The following LRRC4C variants were observed in gnomAD, a reference collection of about 807,000 sequenced individuals.
LRRC4C encodes the protein leucine rich repeat containing 4C.
A neutral mutation model predicts 33.6 loss-of-function variants in LRRC4C; 5 were observed. That is an observed-to-expected ratio of 0.15 (90% CI 0.08 to 0.31). LRRC4C has a LOEUF of 0.31. Ranked by LOEUF, LRRC4C falls within the 10% of genes least tolerant of loss-of-function variation. The pLI, the probability that LRRC4C is intolerant of heterozygous loss-of-function variation, is 1.00. For synonymous variants in LRRC4C, 329 were observed against 302.0 expected (o/e 1.09, Z -0.93); for missense variants, 560 against 796.7 (o/e 0.70, Z 3.58).
chr11:40,520,378 G>A (rs900332908), intron 3 of LRRC4C, among the ~76,000 whole-genome samples: 1 of 152,078 alleles, frequency 6.6e-6, no homozygotes, highest in Non-Finnish European at 1.5e-5. Flanking sequence ...TCCAGCTTTG[G>A]ATTTAAAGTG....
At chr11:40,618,345 C>A (rs978044056) in intron 3 of LRRC4C, among the ~76,000 whole-genome samples, 1 of 151,540 alleles carries the variant, frequency 6.6e-6, no homozygotes, top group Non-Finnish European at 1.5e-5. Flanking sequence ...AGATTGCTGG[C>A]AACCACCAGA....
chr11:41,283,699 A>C lies in LRRC4C; in HGVS notation c.-496+175732T>G, dbSNP rs538213575. On this transcript the variant is annotated intron_variant, in intron 1 of 6. Coordinates refer to ENST00000528697, the MANE Select transcript of LRRC4C (RefSeq NM_001258419.2). ...AGTTGTGCCAGAGACCATAAGACCC[A>C]CAAAGTCTCAACTATTTACCATCTA... is the stretch of plus-strand genomic sequence containing the variant. Among the ~76,000 whole-genome samples the C allele has an allele frequency of 3.3e-5, 5 of 152,286 alleles. No homozygotes were observed. In the South Asian group the frequency reaches 1.0e-3, roughly 32 times the overall value.
chr11:40,757,384 C>T (rs778709307), intron 2 of LRRC4C, among the ~76,000 whole-genome samples: 13 of 152,022 alleles, frequency 8.6e-5, no homozygotes, highest in Non-Finnish European at 1.2e-4. Context: ...TCCATCAGTA[C>T]CCATGGATGA....
chr11:41,311,366 GCTT>G (rs1950638739), intron 1 of LRRC4C, among the ~76,000 whole-genome samples: 1 of 151,990 alleles, frequency 6.6e-6, no homozygotes, highest in Non-Finnish European at 1.5e-5. Flanking sequence ...CACCATTTAA[GCTT>G]CTTCATTATT....
chr11:41,200,380 T>C (rs1315863796), intron 1 of LRRC4C, among the ~76,000 whole-genome samples: 1 of 152,212 alleles, frequency 6.6e-6, no homozygotes, highest in Non-Finnish European at 1.5e-5. Flanking sequence ...GTTCAAATCC[T>C]AGCAACTTCT....
chr11:40,314,013 T>C (rs889880563), intron 4 of LRRC4C, among the ~76,000 whole-genome samples: 6 of 151,870 alleles, frequency 4.0e-5, no homozygotes, highest in Admixed American at 3.3e-4. Flanking sequence ...TGGGATCACA[T>C]AAAACTAAAA....
intron 1 of LRRC4C, among the ~76,000 whole-genome samples, chr11:41,448,214 A>G (rs1024682596): frequency 1.4e-5 from 2 of 142,428 alleles, no homozygotes; most frequent in Middle Eastern, 3.9e-3. Flanking sequence ...TTAATCAGCT[A>G]TTTGTTACAG....
intron 1 of LRRC4C, among the ~76,000 whole-genome samples, chr11:41,057,778 T>G (rs1429699440): frequency 6.6e-6 from 1 of 152,028 alleles, no homozygotes; most frequent in Admixed American, 6.6e-5. Context: ...CTCTGCTGAG[T>G]GCTGCACAGA....
chr11:40,452,589 T>C (rs927027587), intron 3 of LRRC4C, among the ~76,000 whole-genome samples: 3 of 152,200 alleles, frequency 2.0e-5, no homozygotes, highest in Admixed American at 1.3e-4. Flanking sequence ...GGTGGGACTG[T>C]AAACTAGTTC....
chr11:40,131,382 T>G (rs1410440986), intron 6 of LRRC4C, among the ~76,000 whole-genome samples: 2 of 152,274 alleles, frequency 1.3e-5, no homozygotes, highest in East Asian at 3.9e-4. Flanking sequence ...AAAATCAGCA[T>G]GTAAATAGGG....
chr11:40,986,624 T>G (rs1003977565), intron 1 of LRRC4C, among the ~76,000 whole-genome samples: 7 of 151,890 alleles, frequency 4.6e-5, no homozygotes, highest in African/African-American at 1.5e-4. Flanking sequence ...GAGAAAGGAC[T>G]GGGACTGAAG....
rs556485330 is a variant in LRRC4C, at chr11:40,917,617, C to A, written c.-407+16018G>T. Among the ~76,000 whole-genome samples the A allele has an allele frequency of 3.3e-5, 5 of 152,200 alleles. No homozygotes were observed. In the South Asian group the frequency reaches 1.0e-3, roughly 32 times the overall value. On this transcript the variant is annotated intron_variant, in intron 2 of 6. Transcript: ENST00000528697. ...AGCATCATCCAGATCCAAGTCCCAA[C>A]CCAGCTCTGCCATTTAGTCACTATG...
intron 3 of LRRC4C, among the ~76,000 whole-genome samples, chr11:40,326,552 GA>G (rs67048103): frequency 0.026 from 3,668 of 141,450 alleles, 134 homozygotes; most frequent in African/African-American, 0.087. Flanking sequence ...CTTCTCAAAA[GA>G]AAAAAAAAAA....
chr11:40,219,561 A>T (rs956540227), intron 5 of LRRC4C, among the ~76,000 whole-genome samples: 10 of 152,192 alleles, frequency 6.6e-5, no homozygotes, highest in Admixed American at 5.9e-4. Flanking sequence ...TCCCTTTAAA[A>T]AGTCAGAGAT....
chr11:40,528,867 A>C (rs1159105144), intron 3 of LRRC4C, among the ~76,000 whole-genome samples: 2 of 152,186 alleles, frequency 1.3e-5, no homozygotes, highest in Admixed American at 1.3e-4. Flanking sequence ...ACACTATGCT[A>C]GGTAAAATAA....
At chr11:41,070,306 TA>T (rs1280138541) in intron 1 of LRRC4C, among the ~76,000 whole-genome samples, 1 of 151,976 alleles carries the variant, frequency 6.6e-6, no homozygotes, top group African/African-American at 2.4e-5. Flanking sequence ...CCCCAAATCA[TA>T]AAAACCCTAG....
chr11:41,326,029 C>A (rs749012504), intron 1 of LRRC4C, among the ~76,000 whole-genome samples: 9 of 151,816 alleles, frequency 5.9e-5, no homozygotes, highest in African/African-American at 2.2e-4. Flanking sequence ...TTGAAGGATG[C>A]AAAGCATTGT....
At chr11:40,198,738 A>C (rs1044575439) in intron 5 of LRRC4C, among the ~76,000 whole-genome samples, 1 of 152,200 alleles carries the variant, frequency 6.6e-6, no homozygotes, top group Non-Finnish European at 1.5e-5. Flanking sequence ...TTATTCAGCA[A>C]GCTTTCTAAA....
In LRRC4C at chr11:41,269,296, C is replaced by T. The variant is rs188980029; in HGVS notation, c.-496+190135G>A. 8.5e-5 allele frequency among the ~76,000 whole-genome samples: 13 copies of T among 152,058 alleles called. No individual in the cohort carries two copies. The East Asian group carries it at 2.5e-3, about 30-fold the overall frequency. On this transcript the variant is annotated intron_variant, in intron 1 of 6. Coordinates refer to ENST00000528697, the MANE Select transcript of LRRC4C (RefSeq NM_001258419.2). ...TCCTTTTATTATTATTTATTTCCTC[C>T]TAAGGAATGTGTTCATTCCTTTAGG...
Sources: allele counts gnomAD v4.1 joint callset (sites outside exome capture counted in the v4.1 genomes callset), GRCh38; gene constraint gnomAD v4.1.1; transcripts MANE v1.5; gene names NCBI Gene and HGNC (gene_info 2026-07-23, HGNC 2026-07-21).